The following ATP10B variants were observed in gnomAD, a reference collection of about 807,000 sequenced individuals.
ATP10B encodes the protein ATPase phospholipid transporting 10B (putative).
Under a neutral mutation model 141.2 loss-of-function variants are expected in ATP10B, and 122 were observed. The ratio of observed to expected loss-of-function variants is 0.86; its 90% CI spans 0.75 to 1.00. ATP10B has a LOEUF of 1.00. ATP10B is among the 50% of genes least tolerant of loss of function. ATP10B has a pLI of 0.00. For synonymous variants in ATP10B, 685 were observed against 692.0 expected (o/e 0.99, Z 0.16); for missense variants, 1,876 against 1,825.3 (o/e 1.03, Z -0.51).
At chr5:160,733,350 A>T (rs1002451573) in intron 2 of ATP10B, among the ~76,000 whole-genome samples, 2 of 152,194 alleles carry the variant, frequency 1.3e-5, no homozygotes, top group Non-Finnish European at 2.9e-5. Flanking sequence ...TATGTTATTG[A>T]AGTTTCAGAA....
At chr5:160,630,830 C>T (rs1427342080) in intron 13 of ATP10B, among the ~76,000 whole-genome samples, 1 of 152,172 alleles carries the variant, frequency 6.6e-6, no homozygotes, top group Non-Finnish European at 1.5e-5. Context: ...ATGACAATAA[C>T]CCGAGAGGGA....
intron 14 of ATP10B, among the ~76,000 whole-genome samples, chr5:160,621,263 C>A (rs1303035186): frequency 6.6e-6 from 1 of 152,188 alleles, no homozygotes; most frequent in Non-Finnish European, 1.5e-5. Context: ...CCCAATAATT[C>A]TGTGGGATGC....
chr5:160,634,034 T>C (rs900193984), intron 12 of ATP10B: 7 of 413,088 alleles, frequency 1.7e-5, no homozygotes, highest in Admixed American at 3.5e-5. Flanking sequence ...TGGCACACAA[T>C]TGGGAAATGT....
chr5:160,866,397 G>A, the ATP10B span, among the ~76,000 whole-genome samples: 4 of 152,170 alleles, frequency 2.6e-5, no homozygotes, highest in East Asian at 5.8e-4. Context: ...TAATGTGCTG[G>A]GTGTGGTGGC....
chr5:160,579,037 C>T (rs888401936), intron 24 of ATP10B, among the ~76,000 whole-genome samples: 1 of 151,706 alleles, frequency 6.6e-6, no homozygotes, highest in African/African-American at 2.4e-5. Context: ...ATTGCTTTTT[C>T]TTGTAAATTT....
chr5:160,647,524 G>A (rs181782592), intron 8 of ATP10B, among the ~76,000 whole-genome samples: 64 of 152,316 alleles, frequency 4.2e-4, no homozygotes, highest in African/African-American at 1.3e-3. Context: ...CCTGAAATCC[G>A]TCTGAGAGGG....
At chr5:160,769,161 A>AT (rs35644320) in intron 2 of ATP10B, among the ~76,000 whole-genome samples, 22,663 of 152,080 alleles carry the variant, frequency 0.15, 2,082 homozygotes, top group Middle Eastern at 0.19. Flanking sequence ...GAGGGTAGTG[A>AT]TTTTTTAAAT....
At chr5:160,898,239 G>T in the ATP10B span, among the ~76,000 whole-genome samples, 2 of 152,054 alleles carry the variant, frequency 1.3e-5, no homozygotes, top group South Asian at 2.1e-4. Context: ...GAAAATTTTT[G>T]CAATCTATCC....
At chr5:160,757,575 A>C (rs766851019) in intron 2 of ATP10B, among the ~76,000 whole-genome samples, 9 of 152,172 alleles carry the variant, frequency 5.9e-5, no homozygotes, top group Non-Finnish European at 1.0e-4. Context: ...GTAATCTCAG[A>C]TCTAGGGCTG....
At chr5:160,591,469 C>T (rs1045329530) in intron 22 of ATP10B, among the ~76,000 whole-genome samples, 6 of 152,200 alleles carry the variant, frequency 3.9e-5, no homozygotes, top group Admixed American at 3.9e-4. Context: ...GCCTTAGTGC[C>T]TAGCCAAGTA....
At chr5:160,695,489 AGTGTGTGTGTGTGTGT>A (rs59946073) in intron 3 of ATP10B, among the ~76,000 whole-genome samples, 18 of 148,788 alleles carry the variant, frequency 1.2e-4, no homozygotes, top group Non-Finnish European at 2.5e-4. Flanking sequence ...TGCGTGAGTG[AGTGTGTGTGTGTGTGT>A]GTGTGTGTGT....
At position 160,634,513 on chromosome 5, in the gene ATP10B, C is replaced by G. The variant is rs527713014; in HGVS notation, c.1222G>C (p.Glu408Gln). 8.7e-6 allele frequency: 14 copies of G among 1,614,176 alleles called. No individual in the cohort carries two copies. The highest frequency in any genetic ancestry group is 1.2e-5 in the Non-Finnish European group (14 of 1,180,038). ...CGACATTGAATGGATAAATCGGTCT[C>G]TTCATCATACAGGTCAAGGTCATTG... ...LSNDLDLYDE[E>Q]TDLSIQCRAL... The change falls in exon 12 of 26, where the codon GAG becomes CAG. Residue 408 changes from glutamate to glutamine, a missense_variant. Glu to Gln is a conservative substitution (Grantham distance 29, BLOSUM62 2). Coordinates refer to ENST00000327245, the MANE Select transcript of ATP10B (RefSeq NM_025153.3).
rs1753844185 is a variant in ATP10B at position 160,852,048 on chromosome 5, A to G, written c.-683T>C. ...CTTGGCTAAAATAGTTCTCTTTCCTATGGAATTTTTCATTTTTCTGATTAT... is the reference window on the plus strand; with the variant it reads ...CTTGGCTAAAATAGTTCTCTTTCCTGTGGAATTTTTCATTTTTCTGATTAT... On this transcript the variant is annotated 5_prime_UTR_variant, in exon 1 of 26. Coordinates refer to ENST00000327245, the MANE Select transcript of ATP10B (RefSeq NM_025153.3). The G allele has an allele frequency of 6.6e-6, 1 of 152,192 alleles. No homozygotes were observed. Among genetic ancestry groups the G allele is most frequent in the South Asian group, 2.1e-4 (1 of 4,828 alleles). The allele number at this position is 152,192 out of a possible 1,614,324, so 9.4% of individuals were successfully genotyped here.
chr5:160,598,494 AAC>A (rs1756882398), intron 22 of ATP10B, among the ~76,000 whole-genome samples: 1 of 152,102 alleles, frequency 6.6e-6, no homozygotes, highest in Non-Finnish European at 1.5e-5. Context: ...ATATGAAATT[AAC>A]CTGTACATTG....
intron 2 of ATP10B, among the ~76,000 whole-genome samples, chr5:160,719,138 C>T (rs1467071840): frequency 6.6e-6 from 1 of 152,160 alleles, no homozygotes; most frequent in Non-Finnish European, 1.5e-5. Context: ...CGGTGGCTCA[C>T]GCCTGTAATC....
chr5:160,827,079 C>T (rs1386157588), intron 1 of ATP10B, among the ~76,000 whole-genome samples: 1 of 152,098 alleles, frequency 6.6e-6, no homozygotes, highest in African/African-American at 2.4e-5. Context: ...TGACCTACAC[C>T]CTGTTCCTAC....
At chr5:160,772,047 CATAACTTGGCT>C (rs1199240872) in intron 2 of ATP10B, among the ~76,000 whole-genome samples, 3 of 152,232 alleles carry the variant, frequency 2.0e-5, no homozygotes, top group African/African-American at 7.2e-5. Flanking sequence ...AAGTTGCTTC[CATAACTTGGCT>C]ATTATGAGTA....
upstream of ATP10B, among the ~76,000 whole-genome samples, chr5:160,855,269 T>A (rs747266931): frequency 6.6e-6 from 1 of 152,108 alleles, no homozygotes; most frequent in Non-Finnish European, 1.5e-5. Flanking sequence ...AGGGCCCTAG[T>A]TTCTCCGCAT....
At chr5:160,662,709 G>A in intron 7 of ATP10B, among the ~76,000 whole-genome samples, 1 of 152,138 alleles carries the variant, frequency 6.6e-6, no homozygotes, top group Non-Finnish European at 1.5e-5. Flanking sequence ...GAAAACCTAG[G>A]CATTACCATT....
Sources: gnomAD v4.1 joint callset for allele counts (sites outside exome capture counted in the v4.1 genomes callset) on GRCh38, gnomAD v4.1.1 for gene constraint, MANE v1.5 for transcripts, NCBI Gene and HGNC (gene_info 2026-07-23, HGNC 2026-07-21) for gene names.